The following LOXL3 variants were observed in gnomAD, a reference collection of about 807,000 sequenced individuals.
LOXL3 encodes the protein lysyl oxidase like 3, also known as lysyl oxidase homolog 3.
Under a neutral mutation model 91.8 loss-of-function variants are expected in LOXL3, and 60 were observed. That is an observed-to-expected ratio of 0.65 (90% CI 0.53 to 0.81). The LOEUF (loss-of-function observed/expected upper bound fraction) is 0.81. Ranked by LOEUF, LOXL3 falls within the 30% of genes least tolerant of loss-of-function variation. The pLI is 0.00. For synonymous variants in LOXL3, 355 were observed against 387.6 expected (o/e 0.92, Z 0.99); for missense variants, 874 against 1,000.4 (o/e 0.87, Z 1.70).
rs768177227 is a variant in LOXL3 at position 74,536,712 on chromosome 2, C to T, written c.909G>A (p.Gly303=). 1 of 1,614,076 alleles carries T rather than the reference C, an allele frequency of 6.2e-7. No individual in the cohort carries two copies. Among genetic ancestry groups the T allele is most frequent in the East Asian group, 2.2e-5 (1 of 44,890 alleles). The change falls in exon 5 of 14, where the codon GGG becomes GGA. Residue 303 remains glycine (G), a synonymous_variant. Coordinates refer to ENST00000264094, the MANE Select transcript of LOXL3 (RefSeq NM_032603.5). The surrounding 1 kb of genome is among the most constrained non-coding windows in gnomAD (Gnocchi z 4.5). ...QKKQQQSKPQ[G]EARVRLKGGA... is the part of the protein sequence containing the mutation. ...TCATAATCACTGTCTCACACACCTC[C>T]CCCTGAGGCTTCGACTGTTGTTGCT...
Position 74,536,092 on chromosome 2 carries a change from C to G in LOXL3, c.1152G>C (p.Trp384Cys). The change falls in exon 7 of 14, where the codon TGG becomes TGC. Residue 384 changes from tryptophan (W) to cysteine (C), a missense_variant. By Grantham distance (215) the Trp-to-Cys change is radical. Coordinates refer to ENST00000264094, the MANE Select transcript of LOXL3 (RefSeq NM_032603.5). This position sits in a 1 kb window ranked among gnomAD's most constrained non-coding sequence, Gnocchi z 4.5. Reference sequence around the variant, plus strand: ...CTGTGATGTTCTTGTGGGGGCACTTCCAGAGGGAGAGCTCCTGTCCAGAGC... The same window carrying G: ...CTGTGATGTTCTTGTGGGGGCACTTGCAGAGGGAGAGCTCCTGTCCAGAGC... Reference protein sequence around the residue: ...VRCSGQELSLWKCPHKNITAE... With the variant: ...VRCSGQELSLCKCPHKNITAE... 4 of 1,613,796 alleles carry G rather than the reference C, an allele frequency of 2.5e-6. No homozygotes were observed. The highest frequency in any genetic ancestry group is 3.4e-6 in the Non-Finnish European group (4 of 1,179,876).
chr2:74,550,270 T>C lies in LOXL3; in HGVS notation c.392A>G (p.Asn131Ser). ...ATCCTCATCGTGCGTACAGTCACTG[T>C]TCCCCCAGCCCCGGGAGGCACATTC... ...VTECASRGWG[N>S]SDCTHDEDAG... The change falls in exon 3 of 14, where the codon AAC (asparagine) becomes AGC (serine). Residue 131 changes from asparagine to serine, a missense_variant. Transcript: ENST00000264094. 1 of 1,614,192 alleles carries C rather than the reference T, an allele frequency of 6.2e-7. No individual in the cohort carries two copies. Among genetic ancestry groups the C allele is most frequent in the Non-Finnish European group, 8.5e-7 (1 of 1,180,042 alleles).
intron 12 of LOXL3, 27 bp downstream of exon 12, chr2:74,534,073 C>G (rs943319868): frequency 1.2e-6 from 2 of 1,613,180 alleles, no homozygotes; most frequent in African/African-American, 1.3e-5. Context: ...CCCACTCACC[C>G]ATCTGGAAGC....
Position 74,535,961 on chromosome 2 carries a change from A to G in LOXL3, c.1248+35T>C, listed in dbSNP as rs765452149. On this transcript the variant is annotated intron_variant, in intron 7 of 13. Coordinates refer to ENST00000264094, the MANE Select transcript of LOXL3 (RefSeq NM_032603.5). The surrounding 1 kb of genome is among the most constrained non-coding windows in gnomAD (Gnocchi z 4.2). ...TGGAGACCAGACCTGGATAGGATGA[A>G]AGAGACCTCAACCAAGGTAGAGAGG... is the stretch of plus-strand genomic sequence containing the variant. 2 of 1,536,028 alleles carry G rather than the reference A, an allele frequency of 1.3e-6. No individual in the cohort carries two copies. Among genetic ancestry groups the G allele is most frequent in the East Asian group, 2.2e-5 (1 of 44,456 alleles).
rs1239536770 is a variant in LOXL3, at chr2:74,534,679, T to C, written c.1675A>G (p.Asn559Asp). ...LHMLYCAAEE[N>D]CLASSARSAN... ...GAGCGGGCTGAGCTGGCCAGGCAGTTCTCTTCCGCAGCACAGTACAACATA... is the reference window on the plus strand; with the variant it reads ...GAGCGGGCTGAGCTGGCCAGGCAGTCCTCTTCCGCAGCACAGTACAACATA... Residue 559 changes from asparagine to aspartate, a missense_variant, in exon 10 of 14, where the codon AAC (asparagine) becomes GAC (aspartate). Asn to Asp is a conservative substitution (Grantham distance 23). Transcript: ENST00000264094. 1 of 1,614,144 alleles carries C rather than the reference T, an allele frequency of 6.2e-7. No individual in the cohort carries two copies. The highest frequency in any genetic ancestry group is 1.6e-4 in the Middle Eastern group (1 of 6,062).
intron 4 of LOXL3, among the ~76,000 whole-genome samples, chr2:74,543,900 C>CAAAA (rs960168777): frequency 3.1e-4 from 20 of 65,108 alleles, no homozygotes; most frequent in African/African-American, 8.1e-4. Context: ...GGCTCTGTCT[C>CAAAA]AAAAAAAAAA....
rs1675971644 is a variant in LOXL3, at chr2:74,535,651, C to T, written c.1353G>A (p.Gly451=). 6.2e-7 allele frequency: 1 copy of T among 1,613,718 alleles called. No individual in the cohort carries two copies. The highest frequency in any genetic ancestry group is 1.1e-5 in the South Asian group (1 of 91,008). The change falls in exon 8 of 14, where the codon GGG becomes GGA. Residue 451 remains glycine, a synonymous_variant. Coordinates refer to ENST00000264094, the MANE Select transcript of LOXL3 (RefSeq NM_032603.5). This position sits in a 1 kb window ranked among gnomAD's most constrained non-coding sequence, Gnocchi z 4.2. Reference sequence around the variant, plus strand: ...TACAGGCCACCATGGCCTCCAGGGTCCCCCAGTCATCCCCACAGATGAGGC... The same window carrying T: ...TACAGGCCACCATGGCCTCCAGGGTTCCCCAGTCATCCCCACAGATGAGGC... ...RWGLICGDDW[G]TLEAMVACRQ... is the part of the protein sequence containing the mutation.
chr2:74,553,310 C>A (rs1438064429), intron 1 of LOXL3, among the ~76,000 whole-genome samples: 1 of 152,180 alleles, frequency 6.6e-6, no homozygotes, highest in African/African-American at 2.4e-5. Context: ...GGAAGGCTGG[C>A]ACCAAAGCTC....
In LOXL3 at chr2:74,550,066, C is replaced by T. The variant is rs192841031; in HGVS notation, c.477+119G>A. 10,055 of 1,480,742 alleles carry T rather than the reference C, an allele frequency of 6.8e-3. 47 individuals are homozygous for T. The highest frequency in any genetic ancestry group is 8.3e-3 in the Non-Finnish European group (9,312 of 1,121,954). 91.7% of individuals were successfully genotyped at this position (1,480,742 alleles called of 1,614,324 possible). A position where few individuals can be genotyped will look rare whatever the true frequency, so the allele number is the denominator to read the frequency against. On this transcript the variant is annotated intron_variant, in intron 3 of 13. Transcript: ENST00000264094. ...AGCTCTATCATTTGCTTTTCCAAGT[C>T]TCCCACCAATCCAAATGATCCCCCA...
chr2:74,547,218 T>C (rs953587871), intron 4 of LOXL3, among the ~76,000 whole-genome samples: 2 of 151,358 alleles, frequency 1.3e-5, no homozygotes, highest in African/African-American at 4.9e-5. Context: ...AGGGTCTCAT[T>C]ATGTTGCCCA....
intron 4 of LOXL3, among the ~76,000 whole-genome samples, chr2:74,544,063 G>A (rs1676474978): frequency 6.6e-6 from 1 of 151,920 alleles, no homozygotes; most frequent in Admixed American, 6.6e-5. Context: ...CAGCACTTTG[G>A]GAGGCCGAGG....
chr2:74,536,474 A>G lies in LOXL3; in HGVS notation c.913-3T>C, dbSNP rs1038426176. ...CCGCCCTTTAGACGGACACGGGCCT[A>G]TAGAAGAGAGAAGTGCCCAACAGAG... On this transcript the variant is annotated splice_polypyrimidine_tract_variant and splice_region_variant and intron_variant, in intron 5 of 13. Transcript: ENST00000264094. The surrounding 1 kb of genome is among the most constrained non-coding windows in gnomAD (Gnocchi z 4.5). 2.2e-5 allele frequency: 35 copies of G among 1,611,572 alleles called. No individual in the cohort carries two copies. The highest frequency in any genetic ancestry group is 3.0e-5 in the Non-Finnish European group (35 of 1,178,964).
rs551618912 is a variant in LOXL3 at position 74,537,781 on chromosome 2, G to C, written c.693-853C>G. 1.4e-4 allele frequency among the ~76,000 whole-genome samples: 21 copies of C among 152,310 alleles called. No homozygotes were observed. The South Asian group carries it at 2.1e-3, about 15-fold the overall frequency. On this transcript the variant is annotated intron_variant, in intron 4 of 13. Transcript: ENST00000264094. Reference sequence around the variant, plus strand: ...ATGCTGCCGAGATGTTTGAGAGAATGGGGGGACTTCTTTATCGATACCAGT... The same window carrying C: ...ATGCTGCCGAGATGTTTGAGAGAATCGGGGGACTTCTTTATCGATACCAGT...
At position 74,535,391 on chromosome 2, in the gene LOXL3, C is replaced by T. The variant is rs1356205386; in HGVS notation, c.1480G>A (p.Gly494Arg). The T allele has an allele frequency of 6.2e-7, 1 of 1,614,108 alleles. No individual in the cohort carries two copies. The highest frequency in any genetic ancestry group is 8.5e-7 in the Non-Finnish European group (1 of 1,180,022). Reference sequence around the variant, plus strand: ...CACTGATCCAGGGACAGCTCAGTCCCTGTGCAGCGCACTCCACTCATCACC... The same window carrying T: ...CACTGATCCAGGGACAGCTCAGTCCTTGTGCAGCGCACTCCACTCATCACC... ...EVVMSGVRCT[G>R]TELSLDQCAH... is the part of the protein sequence containing the mutation. The change falls in exon 9 of 14, where the codon GGG (glycine) becomes AGG (arginine). Residue 494 changes from glycine to arginine, a missense_variant. By Grantham distance (125) the Gly-to-Arg change is moderately radical. Coordinates refer to ENST00000264094, the MANE Select transcript of LOXL3 (RefSeq NM_032603.5). This position sits in a 1 kb window ranked among gnomAD's most constrained non-coding sequence, Gnocchi z 4.2.
rs550953146 is a variant in LOXL3, at chr2:74,552,901, C to T, written c.-12-255G>A. On this transcript the variant is annotated intron_variant, in intron 1 of 13. Coordinates refer to ENST00000264094, the MANE Select transcript of LOXL3 (RefSeq NM_032603.5). ...GAGACAACTATGAGAGATCGAGAGT[C>T]AGAGAAGGGTCAATAAAAAGAGATA... 2.1e-5 allele frequency: 9 copies of T among 438,614 alleles called. No homozygotes were observed. In the South Asian group the frequency reaches 4.5e-4, roughly 22 times the overall value. 27.2% of individuals were successfully genotyped at this position (438,614 alleles called of 1,614,324 possible). A position where few individuals can be genotyped will look rare whatever the true frequency, so the allele number is the denominator to read the frequency against.
Position 74,549,512 on chromosome 2 carries a change from G to C in LOXL3, c.549C>G (p.Pro183=). 6.2e-7 allele frequency: 1 copy of C among 1,613,596 alleles called. No individual in the cohort carries two copies. Among genetic ancestry groups the C allele is most frequent in the Non-Finnish European group, 8.5e-7 (1 of 1,179,788 alleles). ...PAVGWGRRPL[P]VTEGLVEVRL... Reference sequence around the variant, plus strand: ...TGACTTCCACCAGCCCCTCCGTCACGGGCAGGGGTCGTCTGCCCCACCCAA... The same window carrying C: ...TGACTTCCACCAGCCCCTCCGTCACCGGCAGGGGTCGTCTGCCCCACCCAA... The change falls in exon 4 of 14, where the codon CCC becomes CCG. Residue 183 remains proline (P), a synonymous_variant. Coordinates refer to ENST00000264094, the MANE Select transcript of LOXL3 (RefSeq NM_032603.5). This position sits in a 1 kb window ranked among gnomAD's most constrained non-coding sequence, Gnocchi z 5.3.
In LOXL3 at chr2:74,534,165, G is replaced by C. The variant is rs368539606; in HGVS notation, c.2011C>G (p.Arg671Gly). ...GITVGCWDLYRHDIDCQWIDI... is the reference protein window; with the variant it reads ...GITVGCWDLYGHDIDCQWIDI... ...ATCCACTGACAGTCAATGTCATGCC[G>C]GTAGAGATCCCAGCAACCCACAGTG... is the stretch of plus-strand genomic sequence containing the variant. Residue 671 changes from arginine to glycine, a missense_variant, in exon 12 of 14, where the codon CGG becomes GGG. Transcript: ENST00000264094. 1 of 1,614,146 alleles carries C rather than the reference G, an allele frequency of 6.2e-7. No individual in the cohort carries two copies. Among genetic ancestry groups the C allele is most frequent in the Admixed American group, 1.7e-5 (1 of 60,024 alleles).
chr2:74,540,817 C>G (rs1676284683), intron 4 of LOXL3, among the ~76,000 whole-genome samples: 1 of 151,836 alleles, frequency 6.6e-6, no homozygotes, highest in Non-Finnish European at 1.5e-5. Flanking sequence ...CAGGTGTGCA[C>G]CATCATGACT....
chr2:74,555,457 AG>A, upstream of LOXL3: 2 of 1,608,874 alleles, frequency 1.2e-6, no homozygotes, highest in Non-Finnish European at 1.7e-6. The surrounding 1 kb of genome is among the most constrained non-coding windows in gnomAD (Gnocchi z 6.1). Context: ...CTTTCCGGTG[AG>A]GAGCTGCGGC....
Sources: allele counts gnomAD v4.1 joint callset (sites outside exome capture counted in the v4.1 genomes callset), GRCh38; gene constraint gnomAD v4.1.1; non-coding constraint Gnocchi (gnomAD v3.1); transcripts MANE v1.5; gene names NCBI Gene and HGNC (gene_info 2026-07-23, HGNC 2026-07-21).